CHCHD3: variants seen among roughly 807,000 people sequenced by gnomAD.
CHCHD3 encodes the protein coiled-coil-helix-coiled-coil-helix domain containing 3, also known as MICOS complex subunit MIC19.
A neutral mutation model predicts 38.2 loss-of-function variants in CHCHD3; 20 were observed. The observed-to-expected ratio is 0.52, with a 90% confidence interval of 0.37 to 0.76. CHCHD3 has a LOEUF of 0.76. Among genes scored for constraint, CHCHD3 ranks in the 30% least tolerant of loss-of-function variants. The probability of loss-of-function intolerance (pLI) is 0.00; values close to 1 mark genes in which losing one functional copy is unlikely to be tolerated. For synonymous variants in CHCHD3, 82 were observed against 100.0 expected (o/e 0.82, Z 1.07); for missense variants, 245 against 279.2 (o/e 0.88, Z 0.87).
chr7:132,904,968 A>T (rs1809759685), intron 4 of CHCHD3, among the ~76,000 whole-genome samples: 1 of 152,134 alleles, frequency 6.6e-6, no homozygotes. Context: ...GGAAACCATC[A>T]TTCTCAGCAA....
intron 3 of CHCHD3, among the ~76,000 whole-genome samples, chr7:132,981,570 A>T (rs1484550939): frequency 6.6e-6 from 1 of 152,176 alleles, no homozygotes; most frequent in African/African-American, 2.4e-5. Context: ...AGTCTAAATT[A>T]TTACCACCCC....
chr7:132,945,908 T>C (rs1810888923), intron 4 of CHCHD3, among the ~76,000 whole-genome samples: 1 of 151,736 alleles, frequency 6.6e-6, no homozygotes, highest in Non-Finnish European at 1.5e-5. Flanking sequence ...ACATGAGAAA[T>C]TCTATGAAGC....
intron 4 of CHCHD3, among the ~76,000 whole-genome samples, chr7:132,961,734 T>G (rs1272952318): frequency 6.6e-6 from 1 of 152,170 alleles, no homozygotes; most frequent in Non-Finnish European, 1.5e-5. Context: ...CAGAACTTAT[T>G]CATCTATCTT....
intron 5 of CHCHD3, among the ~76,000 whole-genome samples, chr7:132,851,322 A>C (rs1808213818): frequency 6.6e-6 from 1 of 152,176 alleles, no homozygotes; most frequent in Non-Finnish European, 1.5e-5. Context: ...AAGTTATCTA[A>C]ATATTACTGG....
chr7:132,819,046 A>C lies in CHCHD3; in HGVS notation c.524+19353T>G, dbSNP rs1807274844. Among the ~76,000 whole-genome samples the C allele has an allele frequency of 1.3e-5, 2 of 152,210 alleles. 1 individual carries two copies. Among genetic ancestry groups the C allele is most frequent in the South Asian group, 4.1e-4 (2 of 4,828 alleles). On this transcript the variant is annotated intron_variant, in intron 6 of 7. Transcript: ENST00000262570. ...ATGTCAACATAGCCACAGGCACCTAATTTGCTGAATGCATTTATTTAAATA... is the reference window on the plus strand; with the variant it reads ...ATGTCAACATAGCCACAGGCACCTACTTTGCTGAATGCATTTATTTAAATA...
intron 6 of CHCHD3, chr7:132,813,486 C>G (rs1383360926): frequency 6.6e-6 from 1 of 152,118 alleles, no homozygotes; most frequent in African/African-American, 2.4e-5. Flanking sequence ...TCCTCATTTC[C>G]TACTGTTTAA....
At chr7:132,839,605 A>G (rs1053048052) in intron 5 of CHCHD3, among the ~76,000 whole-genome samples, 2 of 152,226 alleles carry the variant, frequency 1.3e-5, no homozygotes, top group African/African-American at 4.8e-5. Flanking sequence ...TTTCAAATGC[A>G]TGGCTTGCAA....
chr7:133,006,865 T>C (rs10264205), intron 3 of CHCHD3, among the ~76,000 whole-genome samples: 66,204 of 151,950 alleles, frequency 0.44, 14,692 homozygotes, highest in East Asian at 0.55. Flanking sequence ...AATTAAGTTA[T>C]TTATATATGT....
At chr7:132,933,724 T>G (rs1810569621) in intron 4 of CHCHD3, among the ~76,000 whole-genome samples, 1 of 152,188 alleles carries the variant, frequency 6.6e-6, no homozygotes, top group Admixed American at 6.5e-5. Flanking sequence ...ACAGAAAACT[T>G]TATTACTCAC....
In CHCHD3 at chr7:133,038,117, T is replaced by C. The variant is rs151314847; in HGVS notation, c.170-13490A>G. Among the ~76,000 whole-genome samples the C allele has an allele frequency of 7.6e-4, 115 of 152,294 alleles. 1 individual carries two copies. Among genetic ancestry groups the C allele is most frequent in the African/African-American group, 2.7e-3 (112 of 41,574 alleles). ...CAAAGAGAGTTGGCTGGGATTAAAG[T>C]ATCTAAAAGTAGGTAGCACAGGCTC... On this transcript the variant is annotated intron_variant, in intron 2 of 7. Transcript: ENST00000262570.
chr7:132,853,352 G>T (rs1200499190), intron 5 of CHCHD3, among the ~76,000 whole-genome samples: 1 of 152,164 alleles, frequency 6.6e-6, no homozygotes, highest in African/African-American at 2.4e-5. Context: ...TACTCATTAA[G>T]AACTACGGTG....
At chr7:132,858,618 A>G (rs1401499819) in intron 5 of CHCHD3, among the ~76,000 whole-genome samples, 2 of 152,198 alleles carry the variant, frequency 1.3e-5, no homozygotes, top group African/African-American at 4.8e-5. Context: ...TGGTTATACA[A>G]AGAAAAATAA....
chr7:132,907,093 A>C (rs560466092), intron 4 of CHCHD3, among the ~76,000 whole-genome samples: 1 of 152,340 alleles, frequency 6.6e-6, no homozygotes, highest in Admixed American at 6.5e-5. Context: ...TGAAGAACAA[A>C]ATAAACTTAA....
intron 1 of CHCHD3, among the ~76,000 whole-genome samples, chr7:133,080,843 G>T (rs1584693598): frequency 6.6e-6 from 1 of 152,086 alleles, no homozygotes; most frequent in East Asian, 1.9e-4. Flanking sequence ...TTATTTCCTG[G>T]TAACAACTGT....
intron 5 of CHCHD3, among the ~76,000 whole-genome samples, chr7:132,866,167 C>A (rs1808620503): frequency 6.6e-6 from 1 of 152,158 alleles, no homozygotes; most frequent in African/African-American, 2.4e-5. Flanking sequence ...TTTGGTAGAA[C>A]ACTGAACCAG....
At chr7:132,948,868 T>C (rs1277180202) in intron 4 of CHCHD3, among the ~76,000 whole-genome samples, 1 of 152,144 alleles carries the variant, frequency 6.6e-6, no homozygotes, top group African/African-American at 2.4e-5. Flanking sequence ...AGAAATGTGT[T>C]GAAATCAAGT....
intron 6 of CHCHD3, among the ~76,000 whole-genome samples, chr7:132,797,361 C>T (rs1365900940): frequency 6.6e-6 from 1 of 152,218 alleles, no homozygotes; most frequent in African/African-American, 2.4e-5. Context: ...TGATACTTCA[C>T]TCAAGTGTCA....
intron 3 of CHCHD3, among the ~76,000 whole-genome samples, chr7:133,001,547 A>G (rs2117391697): frequency 6.6e-6 from 1 of 152,330 alleles, no homozygotes; most frequent in South Asian, 2.1e-4. Flanking sequence ...TGTTAATCTG[A>G]TAAGAAAAAA....
chr7:132,872,244 A>C (rs573872601), intron 5 of CHCHD3, among the ~76,000 whole-genome samples: 6 of 152,340 alleles, frequency 3.9e-5, no homozygotes, highest in Admixed American at 6.5e-5. Context: ...ACTCAGTCTT[A>C]GAATGGAAAG....
Sources: gnomAD v4.1 joint callset for allele counts (sites outside exome capture counted in the v4.1 genomes callset) on GRCh38, gnomAD v4.1.1 for gene constraint, MANE v1.5 for transcripts, NCBI Gene and HGNC (gene_info 2026-07-23, HGNC 2026-07-21) for gene names.